The following DMD variants were observed in gnomAD, a reference collection of about 807,000 sequenced individuals.
DMD encodes the protein dystrophin.
DMD carries 63 observed loss-of-function variants against 330.1 expected under a neutral mutation model. That is an observed-to-expected ratio of 0.19 (90% CI 0.16 to 0.24). DMD has a LOEUF of 0.24. Among genes scored for constraint, DMD ranks in the 10% least tolerant of loss-of-function variants. DMD has a pLI of 1.00. For synonymous variants in DMD, 1,223 were observed against 959.8 expected (o/e 1.27, Z -5.07); for missense variants, 3,344 against 2,684.1 (o/e 1.25, Z -5.43).
intron 2 of DMD, among the ~76,000 whole-genome samples, chrX:32,938,236 T>A (rs755749530): frequency 9.0e-6 from 1 of 111,624 alleles, no homozygotes; most frequent in East Asian, 2.8e-4. Flanking sequence ...CTGATAATAT[T>A]ATATATGAAA....
chrX:31,181,546 C>T (rs41309717), intron 68 of DMD, among the ~76,000 whole-genome samples: 1,810 of 110,343 alleles, frequency 0.016, 14 homozygotes, highest in Middle Eastern at 0.032. Context: ...CCACTCCCCA[C>T]CCCCATGGTA....
chrX:31,831,854 G>A (rs758187723), intron 49 of DMD, among the ~76,000 whole-genome samples: 295 of 112,277 alleles, frequency 2.6e-3, no homozygotes, highest in Middle Eastern at 4.6e-3. Context: ...CGCCCACCTT[G>A]GCCTCCCAAA....
intron 51 of DMD, among the ~76,000 whole-genome samples, chrX:31,735,830 AAAGTT>A (rs1461625969): frequency 1.8e-5 from 2 of 111,860 alleles, no homozygotes; most frequent in Admixed American, 1.9e-4. Flanking sequence ...CGGAAGACAG[AAAGTT>A]AAGATTATTC....
chrX:32,178,014 A>T (rs748443994), intron 44 of DMD, among the ~76,000 whole-genome samples: 30 of 110,236 alleles, frequency 2.7e-4, no homozygotes, highest in Non-Finnish European at 4.7e-4. Context: ...AGAGAAAGTG[A>T]ATTATAAATC....
chrX:31,119,696 ACTT>A lies in DMD; in HGVS notation c.*2220_*2222del, dbSNP rs1439494067. ...TTTAGAATGAAACTTACTTACTTAA[ACTT>A]CTTAGTAGGATGTAAAGTAACCCCT... On this transcript the variant is annotated 3_prime_UTR_variant, in exon 79 of 79. Transcript: ENST00000357033. 1 of 111,712 alleles carries A rather than the reference ACTT, an allele frequency of 9.0e-6. No homozygotes were observed. The highest frequency in any genetic ancestry group is 3.2e-5 in the African/African-American group (1 of 30,774). The allele number at this position is 111,712 out of a possible 1,213,427, so 9.2% of individuals were successfully genotyped here. A position where few individuals can be genotyped will look rare whatever the true frequency, so the allele number is the denominator to read the frequency against.
intron 1 of DMD, among the ~76,000 whole-genome samples, chrX:33,053,692 A>G (rs1408998965): frequency 8.9e-6 from 1 of 112,064 alleles, no homozygotes; most frequent in Non-Finnish European, 1.9e-5. Context: ...TGTAACGTCA[A>G]TTCTAGGTAT....
intron 55 of DMD, among the ~76,000 whole-genome samples, chrX:31,521,887 T>C: frequency 8.9e-6 from 1 of 111,850 alleles, no homozygotes; most frequent in Middle Eastern, 4.6e-3. Context: ...CTTTTTGATG[T>C]TTTCCTTTTG....
At chrX:31,907,811 CTACCCATCTGACAAAGGGCTA>C (rs922316924) in intron 47 of DMD, among the ~76,000 whole-genome samples, 11 of 112,229 alleles carry the variant, frequency 9.8e-5, no homozygotes, top group Non-Finnish European at 1.9e-4. Flanking sequence ...TTTTTGCAAT[CTACCCATCTGACAAAGGGCTA>C]ATATCGAGAA....
At chrX:32,375,822 A>G (rs2097900411) in intron 34 of DMD, among the ~76,000 whole-genome samples, 1 of 111,978 alleles carries the variant, frequency 8.9e-6, no homozygotes, top group Non-Finnish European at 1.9e-5. Flanking sequence ...TTCCAATTTT[A>G]CTATATTTCT....
At chrX:32,688,067 G>C (rs1224708285) in intron 9 of DMD, among the ~76,000 whole-genome samples, 3 of 111,932 alleles carry the variant, frequency 2.7e-5, no homozygotes, top group Admixed American at 9.5e-5. Context: ...CCTACATGTG[G>C]AGATCCAAAC....
chrX:33,314,570 G>GTTTTTTTTTT (rs1170142842), intron 1 of DMD, among the ~76,000 whole-genome samples: 75 of 78,961 alleles, frequency 9.5e-4, no homozygotes, highest in Middle Eastern at 7.9e-3. Flanking sequence ...TTTTTTTTTT[G>GTTTTTTTTTT]TTTTTTTTTT....
At chrX:31,602,466 A>G (rs1220375283) in intron 55 of DMD, among the ~76,000 whole-genome samples, 3 of 111,058 alleles carry the variant, frequency 2.7e-5, no homozygotes, top group African/African-American at 9.8e-5. Flanking sequence ...CAGGTTATAA[A>G]AAGTACATGG....
chrX:32,664,501 A>G (rs2061176742), intron 9 of DMD, among the ~76,000 whole-genome samples: 1 of 110,341 alleles, frequency 9.1e-6, no homozygotes, highest in Non-Finnish European at 1.9e-5. Flanking sequence ...TCGGCCTCTC[A>G]AAGTGCTGGG....
chrX:32,866,993 C>G (rs1253855328), intron 2 of DMD, among the ~76,000 whole-genome samples: 1 of 111,389 alleles, frequency 9.0e-6, no homozygotes, highest in Non-Finnish European at 1.9e-5. Context: ...CTCGGCCTCC[C>G]AAAGTGCTGG....
At chrX:33,253,198 GA>G (rs1394731103) in intron 1 of DMD, among the ~76,000 whole-genome samples, 1 of 104,571 alleles carries the variant, frequency 9.6e-6, no homozygotes, top group African/African-American at 4.1e-5. Context: ...TCAATAAAAG[GA>G]TCCACCTCCT....
At chrX:31,461,546 G>A (rs1371696003) in intron 59 of DMD, among the ~76,000 whole-genome samples, 1 of 111,520 alleles carries the variant, frequency 9.0e-6, no homozygotes, top group Non-Finnish European at 1.9e-5. Context: ...TAACTATAAA[G>A]CCAAACTCAC....
chrX:32,742,095 A>G (rs774701610), intron 7 of DMD, among the ~76,000 whole-genome samples: 1 of 111,624 alleles, frequency 9.0e-6, no homozygotes, highest in South Asian at 3.8e-4. Flanking sequence ...GGTGCCGTAC[A>G]CTTGGCTATG....
chrX:31,262,801 T>C (rs2050657044), intron 62 of DMD, among the ~76,000 whole-genome samples: 1 of 112,712 alleles, frequency 8.9e-6, no homozygotes, highest in Non-Finnish European at 1.9e-5. Context: ...GGACTGGTAC[T>C]TTACATGCAC....
At chrX:32,206,363 T>C (rs1366672401) in intron 44 of DMD, 2 of 514,660 alleles carry the variant, frequency 3.9e-6, no homozygotes, top group African/African-American at 4.6e-5. Context: ...TAAAACTTGC[T>C]GCTGATGAAG....
Sources: gnomAD v4.1 joint callset for allele counts (sites outside exome capture counted in the v4.1 genomes callset) on GRCh38, gnomAD v4.1.1 for gene constraint, MANE v1.5 for transcripts, NCBI Gene and HGNC (gene_info 2026-07-23, HGNC 2026-07-21) for gene names.